GABRB3: variants seen among roughly 807,000 people sequenced by gnomAD.
The protein encoded by GABRB3 is gamma-aminobutyric acid receptor subunit beta-3.
A neutral mutation model predicts 52.1 loss-of-function variants in GABRB3; 14 were observed. That is an observed-to-expected ratio of 0.27 (90% CI 0.18 to 0.42). The LOEUF (loss-of-function observed/expected upper bound fraction) is 0.42. GABRB3 is among the 10% of genes least tolerant of loss of function. The pLI is 1.00. For synonymous variants in GABRB3, 260 were observed against 232.3 expected, an observed-to-expected ratio of 1.12 and a Z score of -1.08; for missense variants, 307 against 609.1, an observed-to-expected ratio of 0.50 and a Z score of 5.22.
chr15:26,762,820 G>A (rs1042044985), intron 3 of GABRB3, among the ~76,000 whole-genome samples: 3 of 152,158 alleles, frequency 2.0e-5, no homozygotes, highest in East Asian at 1.9e-4. Context: ...TCTATAGGAC[G>A]GTGTTCTCCA....
At chr15:26,698,360 T>C (rs143098887) in intron 3 of GABRB3, among the ~76,000 whole-genome samples, 56 of 152,334 alleles carry the variant, frequency 3.7e-4, no homozygotes, top group African/African-American at 1.3e-3. Context: ...TATTCTTCCA[T>C]TTCTTTTGTG....
At chr15:26,741,713 A>G (rs1239225154) in intron 3 of GABRB3, among the ~76,000 whole-genome samples, 2 of 151,930 alleles carry the variant, frequency 1.3e-5, no homozygotes, top group African/African-American at 4.8e-5. Flanking sequence ...GGCTCAAGGG[A>G]TCCTCCTGCC....
intron 4 of GABRB3, among the ~76,000 whole-genome samples, chr15:26,589,979 C>T (rs147935826): frequency 0.012 from 1,901 of 152,300 alleles, 21 homozygotes; most frequent in Non-Finnish European, 0.019. Context: ...CTAACAAGCA[C>T]TCCCAGCATG....
chr15:26,742,859 T>C (rs1468273557), intron 3 of GABRB3, among the ~76,000 whole-genome samples: 1 of 152,164 alleles, frequency 6.6e-6, no homozygotes, highest in Admixed American at 6.5e-5. Flanking sequence ...TTATCTTACA[T>C]GTTAATTTGG....
intron 3 of GABRB3, among the ~76,000 whole-genome samples, chr15:26,654,360 A>G (rs1595510816): frequency 6.6e-6 from 1 of 152,100 alleles, no homozygotes; most frequent in South Asian, 2.1e-4. Context: ...GTTAGCCAGG[A>G]TGGTCTCTAT....
chr15:26,732,543 C>T (rs1889956468), intron 3 of GABRB3, among the ~76,000 whole-genome samples: 1 of 151,080 alleles, frequency 6.6e-6, no homozygotes, highest in African/African-American at 2.4e-5. Flanking sequence ...GCCTGAGCAA[C>T]ATAGTGAGAC....
chr15:26,645,379 A>G (rs925727703), intron 3 of GABRB3, among the ~76,000 whole-genome samples: 5 of 152,226 alleles, frequency 3.3e-5, no homozygotes, highest in Non-Finnish European at 5.9e-5. Context: ...AACTATCTTT[A>G]CATGCCTCAT....
intron 4 of GABRB3, chr15:26,614,432 C>T (rs1373666263): frequency 6.6e-6 from 1 of 152,106 alleles, no homozygotes; most frequent in Non-Finnish European, 1.5e-5. Context: ...AGATTACTTG[C>T]AGTAGCCTGA....
At chr15:26,625,589 A>ATTG in intron 3 of GABRB3, 405 of 398,710 alleles carry the variant, frequency 1.0e-3, no homozygotes, top group South Asian at 1.2e-3. Context: ...TTAAAGGAAT[A>ATTG]GCAGAGGGGA....
intron 3 of GABRB3, among the ~76,000 whole-genome samples, chr15:26,758,857 A>G (rs1354122313): frequency 1.3e-5 from 2 of 152,204 alleles, no homozygotes; most frequent in African/African-American, 4.8e-5. Flanking sequence ...AAATTAGCGC[A>G]AATGACTTAT....
intron 3 of GABRB3, among the ~76,000 whole-genome samples, chr15:26,662,470 T>A (rs1887581451): frequency 6.6e-6 from 1 of 152,176 alleles, no homozygotes; most frequent in South Asian, 2.1e-4. Flanking sequence ...CCACAGCTGT[T>A]AAACCTGCAT....
intron 3 of GABRB3, among the ~76,000 whole-genome samples, chr15:26,662,676 A>AG (rs1249776840): frequency 3.9e-5 from 6 of 152,160 alleles, no homozygotes; most frequent in Non-Finnish European, 1.5e-5. Flanking sequence ...CACAAGAGAA[A>AG]GGCCCTCACT....
At chr15:26,759,906 A>G (rs1353892114) in intron 3 of GABRB3, among the ~76,000 whole-genome samples, 1 of 152,238 alleles carries the variant, frequency 6.6e-6, no homozygotes, top group Non-Finnish European at 1.5e-5. Flanking sequence ...GATACAAGAG[A>G]AACATTTGAA....
chr15:26,548,508 A>G (rs1889343462), intron 8 of GABRB3, among the ~76,000 whole-genome samples: 1 of 152,150 alleles, frequency 6.6e-6, no homozygotes, highest in African/African-American at 2.4e-5. Flanking sequence ...TAAAAACTAT[A>G]TTCTCCCATT....
At chr15:26,771,454 T>C (rs1014625536) in intron 3 of GABRB3, among the ~76,000 whole-genome samples, 2 of 152,174 alleles carry the variant, frequency 1.3e-5, no homozygotes, top group African/African-American at 2.4e-5. Flanking sequence ...ATGTTGTATG[T>C]CCGAAAGAAA....
At chr15:26,717,051 G>A (rs1315392427) in intron 3 of GABRB3, among the ~76,000 whole-genome samples, 1 of 129,484 alleles carries the variant, frequency 7.7e-6, no homozygotes, top group Non-Finnish European at 1.6e-5. Context: ...CCAGCTCTGG[G>A]GACCTCCCTC....
chr15:26,668,222 C>A (rs1034289652), intron 3 of GABRB3, among the ~76,000 whole-genome samples: 2 of 152,010 alleles, frequency 1.3e-5, no homozygotes, highest in South Asian at 2.1e-4. Context: ...TATGCCTACT[C>A]AAAATGAATA....
chr15:26,721,394 G>A (rs1330493964), intron 3 of GABRB3, among the ~76,000 whole-genome samples: 1 of 151,918 alleles, frequency 6.6e-6, no homozygotes, highest in Admixed American at 6.6e-5. Flanking sequence ...ACTCATCAAT[G>A]GAGAGGCGCC....
chr15:26,720,507 A>G (rs1002330671), intron 3 of GABRB3, among the ~76,000 whole-genome samples: 1 of 152,172 alleles, frequency 6.6e-6, no homozygotes, highest in African/African-American at 2.4e-5. Flanking sequence ...AGCAGGCATC[A>G]TTTCAGAGTA....
Sources: allele counts gnomAD v4.1 joint callset (sites outside exome capture counted in the v4.1 genomes callset), GRCh38; gene constraint gnomAD v4.1.1; transcripts MANE v1.5; gene names NCBI Gene and HGNC (gene_info 2026-07-23, HGNC 2026-07-21).